The following FBRS variants were observed in gnomAD, a reference collection of about 807,000 sequenced individuals.
The protein encoded by FBRS is probable fibrosin-1.
A neutral mutation model predicts 86.1 loss-of-function variants in FBRS; 15 were observed. That is an observed-to-expected ratio of 0.17 (90% CI 0.12 to 0.27). The LOEUF (loss-of-function observed/expected upper bound fraction) is 0.27, where lower values mean the gene tolerates loss of function less well. Ranked by LOEUF, FBRS falls within the 10% of genes least tolerant of loss-of-function variation. FBRS has a pLI of 1.00. For missense variants in FBRS, 1,367 were observed against 1,301.6 expected (o/e 1.05, Z -0.77); for synonymous variants, 666 against 575.8 (o/e 1.16, Z -2.24).
chr16:30,669,316 C>T lies in FBRS; in HGVS notation c.2614C>T (p.Pro872Ser). 2 of 1,608,720 alleles carry T rather than the reference C, an allele frequency of 1.2e-6. No homozygotes were observed. The highest frequency in any genetic ancestry group is 1.1e-5 in the South Asian group (1 of 90,812). Residue 872 changes from proline to serine, a missense_variant, in exon 18 of 18, where the codon CCA (proline) becomes TCA (serine). Physicochemically the swap from Pro to Ser is moderately conservative, Grantham distance 74. Coordinates refer to ENST00000356166, the MANE Select transcript of FBRS (RefSeq NM_001105079.3). The surrounding 1 kb of genome is among the most constrained non-coding windows in gnomAD (Gnocchi z 5.9). ...GCCGCCCCCGTTTCTGGGCCCTAGC[C>T]CACCAGATCGCTGTGCTGGCTTCCT... Reference protein sequence around the residue: ...PRPPPFLGPSPPDRCAGFLEP... With the variant: ...PRPPPFLGPSSPDRCAGFLEP...
Position 30,669,535 on chromosome 16 carries a change from C to G in FBRS, c.2833C>G (p.Leu945Val). The G allele has an allele frequency of 1.2e-6, 2 of 1,612,988 alleles. No individual in the cohort carries two copies. Among genetic ancestry groups the G allele is most frequent in the Non-Finnish European group, 1.7e-6 (2 of 1,179,798 alleles). The part of the protein sequence containing the change: ...PAAAPGTPHL[L>V]SKTPPGALLG... ...TGCGGCCCCGGGAACCCCTCACCTT[C>G]TCAGCAAGACCCCACCGGGAGCCCT... The change falls in exon 18 of 18, where the codon CTC becomes GTC. Residue 945 changes from leucine (L) to valine (V), a missense_variant. Physicochemically the swap from Leu to Val is conservative, Grantham distance 32. Coordinates refer to ENST00000356166, the MANE Select transcript of FBRS (RefSeq NM_001105079.3). The surrounding 1 kb of genome is among the most constrained non-coding windows in gnomAD (Gnocchi z 5.9).
Position 30,665,328 on chromosome 16 carries a change from C to T in FBRS, c.1631C>T (p.Ala544Val). Residue 544 changes from alanine (A) to valine (V), a missense_variant, in exon 10 of 18, where the codon GCA becomes GTA. Ala to Val is a moderately conservative substitution (Grantham distance 64, BLOSUM62 0). Around this residue, in one of 3 missense-constraint regions of FBRS, gnomAD observed 659 missense variants for 678.8 expected, o/e 0.97. Coordinates refer to ENST00000356166, the MANE Select transcript of FBRS (RefSeq NM_001105079.3). The surrounding 1 kb of genome is among the most constrained non-coding windows in gnomAD (Gnocchi z 4.1). ...RHNPYTAFPP[A>V]VPGLPPGLPP... is the part of the protein sequence containing the mutation. The stretch of plus-strand genomic sequence containing the variant: ...CAGCCGTACACGGCCTTCCCTCCCG[C>T]AGTGCCCGGGCTGCCTCCGGGCCTC... The T allele has an allele frequency of 6.4e-7, 1 of 1,565,098 alleles. No homozygotes were observed. The highest frequency in any genetic ancestry group is 8.7e-7 in the Non-Finnish European group (1 of 1,155,796).
At chr16:30,660,730 C>T in intron 2 of FBRS, 1 of 474,534 alleles carries the variant, frequency 2.1e-6, no homozygotes, top group Non-Finnish European at 3.5e-6. Context: ...TGCCCTTCCT[C>T]GAGGTGGTGG....
In FBRS at chr16:30,662,617, T is replaced by C. The variant is rs1025347432; in HGVS notation, c.813T>C (p.Pro271=). The C allele has an allele frequency of 1.4e-5, 21 of 1,544,176 alleles. No homozygotes were observed. The highest frequency in any genetic ancestry group is 1.8e-5 in the Non-Finnish European group (20 of 1,142,790). ...GNCEAKLSVV[P]KVSGLERSQE... ...GTGAAGCAAAACTCTCCGTGGTCCC[T>C]AAAGTGTCGGGCCTGGAGCGGAGCC... Residue 271 remains proline, a synonymous_variant, in exon 6 of 18, where the codon CCT becomes CCC. Transcript: ENST00000356166.
At position 30,664,082 on chromosome 16, in the gene FBRS, C is replaced by T. The variant is rs115702235; in HGVS notation, c.1056-133C>T. On this transcript the variant is annotated intron_variant, in intron 6 of 17. Coordinates refer to ENST00000356166, the MANE Select transcript of FBRS (RefSeq NM_001105079.3). ...GAGAACGGATTCCCTCGGTGGGGGG[C>T]GGTCCTGGGGCTGGGTTCTGCCACC... 2.8e-3 allele frequency: 3,022 copies of T among 1,093,624 alleles called. 53 individuals carry two copies. The African/African-American group carries it at 0.041, about 15-fold the overall frequency. The allele number at this position is 1,093,624 out of a possible 1,614,324, so 67.7% of individuals were successfully genotyped here. A position where few individuals can be genotyped will look rare whatever the true frequency, so the allele number is the denominator to read the frequency against.
intron 11 of FBRS, chr16:30,666,161 T>A: frequency 2.2e-6 from 1 of 450,742 alleles, no homozygotes. Context: ...GGCCAGAGGT[T>A]TTCCAACTTC....
At chr16:30,662,327 A>G (rs1164157457) in intron 4 of FBRS, 93 bp from the exon 5 acceptor site, 1 of 1,527,708 alleles carries the variant, frequency 6.5e-7, no homozygotes, top group African/African-American at 1.4e-5. Context: ...CACTACCACC[A>G]GTTCCTAGCA....
At position 30,665,292 on chromosome 16, in the gene FBRS, C is replaced by T. The variant is rs780042889; in HGVS notation, c.1609-14C>T. 2.6e-5 allele frequency: 40 copies of T among 1,557,216 alleles called. No individual in the cohort carries two copies. The highest frequency in any genetic ancestry group is 3.0e-5 in the Non-Finnish European group (34 of 1,150,780). On this transcript the variant is annotated splice_polypyrimidine_tract_variant and intron_variant, in intron 9 of 17. Coordinates refer to ENST00000356166, the MANE Select transcript of FBRS (RefSeq NM_001105079.3). This position sits in a 1 kb window ranked among gnomAD's most constrained non-coding sequence, Gnocchi z 4.1. Reference sequence around the variant, plus strand: ...CTCCACCCCCACCTGTACTAGTCCCCCTTCTCTCCACAGCCGTACACGGCC... The same window carrying T: ...CTCCACCCCCACCTGTACTAGTCCCTCTTCTCTCCACAGCCGTACACGGCC...
chr16:30,667,007 G>C lies in FBRS; in HGVS notation c.1875+17G>C. On this transcript the variant is annotated intron_variant, in intron 13 of 17. Transcript: ENST00000356166. ...AAAATGAAGGTACTGGGGCCGGAGG[G>C]CTGGGGAGAGTGGGTCTCAGAGTCA... 6.3e-7 allele frequency: 1 copy of C among 1,597,944 alleles called. No individual in the cohort carries two copies. Among genetic ancestry groups the C allele is most frequent in the Non-Finnish European group, 8.5e-7 (1 of 1,172,350 alleles).
rs1398297448 is a variant in FBRS at position 30,670,332 on chromosome 16, C to T, written c.*687C>T. 5 of 385,772 alleles carry T rather than the reference C, an allele frequency of 1.3e-5. No individual in the cohort carries two copies. Among genetic ancestry groups the T allele is most frequent in the South Asian group, 7.6e-5 (4 of 52,540 alleles). 23.9% of individuals were successfully genotyped at this position (385,772 alleles called of 1,614,324 possible). ...AGGGGGCAGGACCTGGGGACCTGGGCTGGAGGGAAGGGCAGAAGCTTCCTA... is the reference window on the plus strand; with the variant it reads ...AGGGGGCAGGACCTGGGGACCTGGGTTGGAGGGAAGGGCAGAAGCTTCCTA... On this transcript the variant is annotated 3_prime_UTR_variant, in exon 18 of 18. Transcript: ENST00000356166.
rs186108232 is a variant in FBRS, at chr16:30,659,827, C to T, written c.309C>T (p.Gly103=). 6.0e-3 allele frequency: 9,056 copies of T among 1,520,106 alleles called. 60 individuals are homozygous for T. Among genetic ancestry groups the T allele is most frequent in the Non-Finnish European group, 6.4e-3 (7,291 of 1,137,718 alleles). The allele number at this position is 1,520,106 out of a possible 1,614,324, so 94.2% of individuals were successfully genotyped here. A position where few individuals can be genotyped will look rare whatever the true frequency, so the allele number is the denominator to read the frequency against. Residue 103 remains glycine, a synonymous_variant, in exon 1 of 18, where the codon GGC becomes GGT. Coordinates refer to ENST00000356166, the MANE Select transcript of FBRS (RefSeq NM_001105079.3). ...CTCGGAAGCGGCCTGCCGGCTCGGGCAGCCGCGGGGAGGAAGAGGAGGAGG... is the reference window on the plus strand; with the variant it reads ...CTCGGAAGCGGCCTGCCGGCTCGGGTAGCCGCGGGGAGGAAGAGGAGGAGG... ...PRARKRPAGS[G]SRGEEEEEEE... is the part of the protein sequence containing the mutation.
At position 30,662,743 on chromosome 16, in the gene FBRS, C is replaced by G. The variant is rs1229001759; in HGVS notation, c.939C>G (p.Pro313=). The change falls in exon 6 of 18, where the codon CCC becomes CCG. Residue 313 remains proline, a synonymous_variant. Transcript: ENST00000356166. ...VPRPPVSPPA[P]LPATPSLPPP... ...GGCCTCCTGTCTCACCCCCTGCACC[C>G]CTGCCGGCCACTCCCAGTCTGCCAC... The G allele has an allele frequency of 1.3e-6, 2 of 1,535,596 alleles. No individual in the cohort carries two copies. The highest frequency in any genetic ancestry group is 2.0e-5 in the Admixed American group (1 of 49,414).
intron 2 of FBRS, 67 bp from the exon 3 acceptor site, chr16:30,661,113 G>C: frequency 1.3e-6 from 2 of 1,548,830 alleles, no homozygotes; most frequent in Non-Finnish European, 1.7e-6. Context: ...CGCCCTGCTG[G>C]GAGCTGCGAC....
Position 30,667,221 on chromosome 16 carries a change from G to A in FBRS, c.1876-99G>A, listed in dbSNP as rs2052533692. 11 of 1,076,594 alleles carry A rather than the reference G, an allele frequency of 1.0e-5. No homozygotes were observed. The Admixed American group carries it at 2.8e-4, about 27-fold the overall frequency. 66.7% of individuals were successfully genotyped at this position (1,076,594 alleles called of 1,614,324 possible). A position where few individuals can be genotyped will look rare whatever the true frequency, so the allele number is the denominator to read the frequency against. On this transcript the variant is annotated intron_variant, in intron 13 of 17. Transcript: ENST00000356166. ...AAGATAGGCATCCAGGCCCCATCTG[G>A]GTGCCAGCCAGCCTTTGGAGGGGAA...
chr16:30,661,365 T>C (rs1179980228), intron 4 of FBRS, 32 bp downstream of exon 4: 1 of 1,550,660 alleles, frequency 6.4e-7, no homozygotes, highest in Non-Finnish European at 8.7e-7. Flanking sequence ...GTGGGCAGTG[T>C]CACTGCTTGT....
At chr16:30,661,373 T>C in intron 4 of FBRS, 40 bp downstream of exon 4, 1 of 1,550,622 alleles carries the variant, frequency 6.4e-7, no homozygotes, top group Non-Finnish European at 8.7e-7. Flanking sequence ...TGTCACTGCT[T>C]GTAAAAGGGA....
chr16:30,661,557 C>G (rs1227296809), intron 4 of FBRS, among the ~76,000 whole-genome samples: 1 of 152,050 alleles, frequency 6.6e-6, no homozygotes, highest in Admixed American at 6.6e-5. Flanking sequence ...ATGGAGGGTC[C>G]ATGCTTTGGC....
rs1444954921 is a variant in FBRS at position 30,665,058 on chromosome 16, G to A, written c.1587G>A (p.Met529Ile). 2 of 1,613,672 alleles carry A rather than the reference G, an allele frequency of 1.2e-6. No homozygotes were observed. Reference sequence around the variant, plus strand: ...AGTTTGAGAAATATCCAGGAAAGATGGAAGGCCTTTTCCGACATAATGTGA... The same window carrying A: ...AGTTTGAGAAATATCCAGGAAAGATAGAAGGCCTTTTCCGACATAATGTGA... ...PHMFEKYPGK[M>I]EGLFRHNPYT... Residue 529 changes from methionine (M) to isoleucine (I), a missense_variant, in exon 9 of 18, where the codon ATG becomes ATA. Physicochemically the swap from Met to Ile is conservative, Grantham distance 10. Around this residue, in one of 3 missense-constraint regions of FBRS, gnomAD observed 659 missense variants for 678.8 expected, o/e 0.97. Transcript: ENST00000356166. The surrounding 1 kb of genome is among the most constrained non-coding windows in gnomAD (Gnocchi z 4.1).
chr16:30,662,244 CT>C (rs1243621375), intron 4 of FBRS, 175 bp from the exon 5 acceptor site: 28 of 973,220 alleles, frequency 2.9e-5, no homozygotes, highest in Non-Finnish European at 4.2e-5. Context: ...CTCCACTCTG[CT>C]TTTTCTCCAA....
Sources: allele counts gnomAD v4.1 joint callset (sites outside exome capture counted in the v4.1 genomes callset), GRCh38; gene constraint gnomAD v4.1.1; regional missense constraint gnomAD v4.1.1; non-coding constraint Gnocchi (gnomAD v3.1); transcripts MANE v1.5; gene names NCBI Gene and HGNC (gene_info 2026-07-23, HGNC 2026-07-21).